The following NKAIN3 variants were observed in gnomAD, a reference collection of about 807,000 sequenced individuals.
NKAIN3 encodes sodium/potassium transporting ATPase interacting 3, also known as sodium/potassium-transporting ATPase subunit beta-1-interacting protein 3.
NKAIN3 carries 25 observed loss-of-function variants against 30.2 expected under a neutral mutation model. The ratio of observed to expected loss-of-function variants is 0.83; its 90% CI spans 0.60 to 1.16. The LOEUF is 1.16. NKAIN3 is among the 50% of genes most tolerant of loss of function. The pLI is 0.00. For missense variants in NKAIN3, 225 were observed against 254.1 expected (o/e 0.89, Z 0.78); for synonymous variants, 91 against 89.6 (o/e 1.02, Z -0.09).
chr8:62,782,340 C>T (rs1434069842), intron 4 of NKAIN3, among the ~76,000 whole-genome samples: 6 of 151,874 alleles, frequency 4.0e-5, no homozygotes, highest in Non-Finnish European at 8.8e-5. Flanking sequence ...ATAAGTAAAA[C>T]CACTATGGAA....
intron 1 of NKAIN3, among the ~76,000 whole-genome samples, chr8:62,335,802 A>G (rs1815530480): frequency 6.6e-6 from 1 of 151,990 alleles, no homozygotes; most frequent in African/African-American, 2.4e-5. Context: ...CCTTTTCCAT[A>G]AAAACTTTAT....
chr8:62,280,896 G>A (rs1343874948), intron 1 of NKAIN3, among the ~76,000 whole-genome samples: 1 of 152,166 alleles, frequency 6.6e-6, no homozygotes, highest in Non-Finnish European at 1.5e-5. Context: ...CATAAAATGA[G>A]TTAGGGAGGA....
chr8:62,574,165 A>G (rs1810034408), intron 1 of NKAIN3, among the ~76,000 whole-genome samples: 1 of 152,154 alleles, frequency 6.6e-6, no homozygotes, highest in Admixed American at 6.5e-5. Context: ...CACTTAACAT[A>G]ATGACCTCTA....
At chr8:62,874,778 A>G (rs866797790) in intron 4 of NKAIN3, among the ~76,000 whole-genome samples, 1 of 152,226 alleles carries the variant, frequency 6.6e-6, no homozygotes, top group Non-Finnish European at 1.5e-5. Flanking sequence ...ACTTCATGGT[A>G]AAAACTCTCA....
At position 62,544,633 on chromosome 8, in the gene NKAIN3, T is replaced by C. The variant is rs527825446; in HGVS notation, c.55-34906T>C. Among the ~76,000 whole-genome samples the C allele has an allele frequency of 6.8e-4, 103 of 151,100 alleles. 1 individual carries two copies. Among genetic ancestry groups the C allele is most frequent in the African/African-American group, 2.5e-3 (101 of 40,450 alleles). ...TTCCCCTTTCAGCCCTATTATCCCC[T>C]AAAGTTCTTCAAAGTATAGCCTCTT... On this transcript the variant is annotated intron_variant, in intron 1 of 6. Coordinates refer to ENST00000623646, the MANE Select transcript of NKAIN3 (RefSeq NM_001304533.3).
At chr8:62,895,457 G>A (rs4380937) in intron 4 of NKAIN3, among the ~76,000 whole-genome samples, 117,453 of 152,120 alleles carry the variant, frequency 0.77, 46,180 homozygotes, top group East Asian at 0.93. Flanking sequence ...TCTTCTCCAA[G>A]TCTACTGAAT....
At chr8:62,793,436 A>T (rs901129296) in intron 4 of NKAIN3, among the ~76,000 whole-genome samples, 2 of 152,190 alleles carry the variant, frequency 1.3e-5, no homozygotes, top group African/African-American at 4.8e-5. Flanking sequence ...TTTCTCAGCA[A>T]CTGAGAACTT....
intron 3 of NKAIN3, among the ~76,000 whole-genome samples, chr8:62,605,104 A>T (rs1811084359): frequency 6.6e-6 from 1 of 152,118 alleles, no homozygotes; most frequent in African/African-American, 2.4e-5. Flanking sequence ...ATGAATTAGA[A>T]GCTGACCCAA....
intron 6 of NKAIN3, among the ~76,000 whole-genome samples, chr8:62,961,429 TCAC>T (rs1216658690): frequency 2.0e-5 from 3 of 151,774 alleles, no homozygotes; most frequent in Non-Finnish European, 4.4e-5. Context: ...TAGTTAAATC[TCAC>T]CACAAGGAAG....
chr8:62,571,324 A>T (rs1809930872), intron 1 of NKAIN3, among the ~76,000 whole-genome samples: 1 of 152,042 alleles, frequency 6.6e-6, no homozygotes, highest in African/African-American at 2.4e-5. Flanking sequence ...TTAGTAGACC[A>T]GGGGTTTCAC....
intron 4 of NKAIN3, among the ~76,000 whole-genome samples, chr8:62,888,925 C>A (rs1216060974): frequency 1.3e-5 from 2 of 152,064 alleles, no homozygotes; most frequent in African/African-American, 4.8e-5. Context: ...GACCTTCTTA[C>A]CTTTTGTTGA....
At chr8:62,741,100 A>G (rs2130569177) in intron 3 of NKAIN3, among the ~76,000 whole-genome samples, 1 of 151,684 alleles carries the variant, frequency 6.6e-6, no homozygotes, top group South Asian at 2.1e-4. Flanking sequence ...TTACTCCCAG[A>G]ACTCTCTTGG....
Position 62,623,760 on chromosome 8 carries a change from A to C in NKAIN3, c.273+33966A>C, listed in dbSNP as rs539142731. Among the ~76,000 whole-genome samples the C allele has an allele frequency of 9.9e-5, 15 of 152,200 alleles. No homozygotes were observed. The East Asian group carries it at 2.7e-3, about 27-fold the overall frequency. On this transcript the variant is annotated intron_variant, in intron 3 of 6. Transcript: ENST00000623646. ...AATTTTGTTACCAGGAGGAGGTCCC[A>C]GTCTAGACCCCGAGAGAGGGATCTT...
rs56280945 is a variant in NKAIN3 at position 62,710,865 on chromosome 8, T to G, written c.274-36067T>G. 9.9e-3 allele frequency among the ~76,000 whole-genome samples: 1,504 copies of G among 152,274 alleles called. 24 individuals carry two copies. Among genetic ancestry groups the G allele is most frequent in the African/African-American group, 0.034 (1,425 of 41,566 alleles). On this transcript the variant is annotated intron_variant, in intron 3 of 6. Coordinates refer to ENST00000623646, the MANE Select transcript of NKAIN3 (RefSeq NM_001304533.3). Reference sequence around the variant, plus strand: ...TGATTTATGCTTTAAAGAGGTTCTGTTTTGATGTGTTTCCTAGATTGGTTT... The same window carrying G: ...TGATTTATGCTTTAAAGAGGTTCTGGTTTGATGTGTTTCCTAGATTGGTTT...
At chr8:62,804,603 C>T (rs1468961594) in intron 4 of NKAIN3, among the ~76,000 whole-genome samples, 13 of 152,150 alleles carry the variant, frequency 8.5e-5, no homozygotes, top group Non-Finnish European at 1.6e-4. Context: ...TTCAACAATG[C>T]TTCATGCTAA....
chr8:62,926,884 A>T (rs1390290232), intron 5 of NKAIN3, among the ~76,000 whole-genome samples: 1 of 151,720 alleles, frequency 6.6e-6, no homozygotes, highest in Non-Finnish European at 1.5e-5. Context: ...TGTCCATCCC[A>T]CCCACCTATT....
intron 3 of NKAIN3, among the ~76,000 whole-genome samples, chr8:62,740,654 G>C (rs371955541): frequency 7.6e-6 from 1 of 132,142 alleles, no homozygotes; most frequent in Non-Finnish European, 1.7e-5. Context: ...GTTTTTTTTA[G>C]AACATAAGCT....
At chr8:62,334,672 C>T (rs1189072703) in intron 1 of NKAIN3, among the ~76,000 whole-genome samples, 1 of 152,066 alleles carries the variant, frequency 6.6e-6, no homozygotes, top group Non-Finnish European at 1.5e-5. Context: ...AACTTAGTGC[C>T]TTAAAACAAC....
rs62508107 is a variant in NKAIN3, at chr8:62,976,462, T to C, written c.*11055T>C. Among the ~76,000 whole-genome samples, 16,341 of 152,138 alleles carry C rather than the reference T, an allele frequency of 0.11. 930 individuals carry two copies. The highest frequency in any genetic ancestry group is 0.17 in the South Asian group (827 of 4,808). On this transcript the variant is annotated 3_prime_UTR_variant, in exon 7 of 7. Transcript: ENST00000623646. ...AATGGCCTTCTGTGTCTGTTTTGATTTTTGTTGGCTTAAAGTCTGTTTTAC... is the reference window on the plus strand; with the variant it reads ...AATGGCCTTCTGTGTCTGTTTTGATCTTTGTTGGCTTAAAGTCTGTTTTAC...
Sources: allele counts gnomAD v4.1 joint callset (sites outside exome capture counted in the v4.1 genomes callset), GRCh38; gene constraint gnomAD v4.1.1; transcripts MANE v1.5; gene names NCBI Gene and HGNC (gene_info 2026-07-23, HGNC 2026-07-21).